The following LRRC74A variants were observed in gnomAD, a reference collection of about 807,000 sequenced individuals.
The protein encoded by LRRC74A is leucine rich repeat containing 74A.
LRRC74A carries 44 observed loss-of-function variants against 57.9 expected under a neutral mutation model. That is an observed-to-expected ratio of 0.76 (90% CI 0.60 to 0.98). The LOEUF is 0.98. Ranked by LOEUF, LRRC74A falls within the 50% of genes least tolerant of loss-of-function variation. The pLI, the probability that LRRC74A is intolerant of heterozygous loss-of-function variation, is 0.00. For missense variants in LRRC74A, 572 were observed against 574.0 expected (o/e 1.00, Z 0.04); for synonymous variants, 211 against 219.4 (o/e 0.96, Z 0.34).
chr14:76,839,951 G>A (rs890151897), intron 5 of LRRC74A, among the ~76,000 whole-genome samples: 7 of 151,922 alleles, frequency 4.6e-5, no homozygotes, highest in African/African-American at 9.7e-5. Flanking sequence ...GGATGGTCTC[G>A]ATCTCTTGAC....
intron 11 of LRRC74A, among the ~76,000 whole-genome samples, chr14:76,861,840 G>T (rs1898336224): frequency 6.6e-6 from 1 of 152,188 alleles, no homozygotes; most frequent in Non-Finnish European, 1.5e-5. Flanking sequence ...ATGCTGCTCT[G>T]CCAATGCACG....
At chr14:76,840,257 A>G (rs1343285227) in intron 5 of LRRC74A, among the ~76,000 whole-genome samples, 2 of 152,194 alleles carry the variant, frequency 1.3e-5, no homozygotes, top group East Asian at 3.9e-4. Context: ...CCCCTGGGCA[A>G]CATAGCAAGA....
chr14:76,861,826 G>C (rs1258752239), intron 11 of LRRC74A, among the ~76,000 whole-genome samples: 1 of 152,210 alleles, frequency 6.6e-6, no homozygotes, highest in Non-Finnish European at 1.5e-5. Context: ...GAGCAGGCGT[G>C]GGGATGCTGC....
At chr14:76,831,807 A>G (rs1895995705) in intron 3 of LRRC74A, among the ~76,000 whole-genome samples, 1 of 152,186 alleles carries the variant, frequency 6.6e-6, no homozygotes, top group South Asian at 2.1e-4. Flanking sequence ...CTTGTGCAAC[A>G]TTATATTTCA....
intron 10 of LRRC74A, among the ~76,000 whole-genome samples, chr14:76,859,370 A>G (rs1898126997): frequency 6.6e-6 from 1 of 152,080 alleles, no homozygotes; most frequent in African/African-American, 2.4e-5. Flanking sequence ...CCCCGTCTCT[A>G]CTAAAAATAC....
At position 76,847,907 on chromosome 14, in the gene LRRC74A, C is replaced by T. The variant is rs374295436; in HGVS notation, c.676+3006C>T. 2.4e-4 allele frequency among the ~76,000 whole-genome samples: 37 copies of T among 152,224 alleles called. No homozygotes were observed. In the East Asian group the frequency reaches 6.6e-3, roughly 27 times the overall value. On this transcript the variant is annotated intron_variant, in intron 7 of 13. Coordinates refer to ENST00000689127, the MANE Select transcript of LRRC74A (RefSeq NM_001385106.1). Reference sequence around the variant, plus strand: ...TCAAAAGTTGGGCTGGGTACAGTGTCTCACACCTGTAATCCCAGCACTTTG... The same window carrying T: ...TCAAAAGTTGGGCTGGGTACAGTGTTTCACACCTGTAATCCCAGCACTTTG...
rs75720627 is a variant in LRRC74A at position 76,828,563 on chromosome 14, C to T, written c.166+144C>T. ...AGGAAATGTGGCAGAAAGGCCTGCT[C>T]GATTTTGCCTGGAGTCCTCCTCCGG... On this transcript the variant is annotated intron_variant, in intron 2 of 13. Coordinates refer to ENST00000689127, the MANE Select transcript of LRRC74A (RefSeq NM_001385106.1). 4.8e-4 allele frequency: 623 copies of T among 1,292,252 alleles called. 11 individuals are homozygous for T. The South Asian group carries it at 6.6e-3, about 14-fold the overall frequency. 80.0% of individuals were successfully genotyped at this position (1,292,252 alleles called of 1,614,324 possible).
At chr14:76,856,375 C>A (rs1897873727) in intron 9 of LRRC74A, among the ~76,000 whole-genome samples, 1 of 152,228 alleles carries the variant, frequency 6.6e-6, no homozygotes, top group African/African-American at 2.4e-5. Context: ...ATGCTATTGG[C>A]TTGTTTGCCT....
intron 5 of LRRC74A, among the ~76,000 whole-genome samples, chr14:76,838,716 A>G (rs951334070): frequency 6.6e-6 from 1 of 152,236 alleles, no homozygotes; most frequent in Non-Finnish European, 1.5e-5. Flanking sequence ...ACACACAGAG[A>G]AGATCTGAAG....
Position 76,831,385 on chromosome 14 carries a change from C to T in LRRC74A, c.339+10C>T. On this transcript the variant is annotated intron_variant, in intron 3 of 13. Coordinates refer to ENST00000689127, the MANE Select transcript of LRRC74A (RefSeq NM_001385106.1). ...TGCTATAGCCCTGGTGGTGAGCATG[C>T]TAGTGGGAGCTCATGAAACCTGGAG... The T allele has an allele frequency of 6.2e-7, 1 of 1,611,742 alleles. No individual in the cohort carries two copies. Among genetic ancestry groups the T allele is most frequent in the Non-Finnish European group, 8.5e-7 (1 of 1,179,228 alleles).
chr14:76,841,098 G>A (rs1329368080), intron 5 of LRRC74A, among the ~76,000 whole-genome samples: 1 of 152,148 alleles, frequency 6.6e-6, no homozygotes, highest in African/African-American at 2.4e-5. Flanking sequence ...CTGGAGTGCA[G>A]TGGTGCCATC....
chr14:76,868,540 G>A (rs1010380616), intron 13 of LRRC74A, among the ~76,000 whole-genome samples: 9 of 152,212 alleles, frequency 5.9e-5, no homozygotes, highest in African/African-American at 2.2e-4. Context: ...GAGACTCCAG[G>A]CCTGAGGGGT....
chr14:76,847,230 G>A (rs569511408), intron 7 of LRRC74A, among the ~76,000 whole-genome samples: 244 of 152,306 alleles, frequency 1.6e-3, no homozygotes, highest in Non-Finnish European at 2.9e-3. Flanking sequence ...AGCATGGAGT[G>A]TTAGTGGCTT....
rs1895594694 is a variant in LRRC74A, at chr14:76,826,653, A to G, written c.-45A>G. ...TGTGCTTCTTAGGGAAGCAGTCGAG[A>G]GGTGGCAAGAAGTTGGCAGCTGCCC... On this transcript the variant is annotated 5_prime_UTR_variant, in exon 1 of 14. Coordinates refer to ENST00000689127, the MANE Select transcript of LRRC74A (RefSeq NM_001385106.1). 3 of 1,601,494 alleles carry G rather than the reference A, an allele frequency of 1.9e-6. No individual in the cohort carries two copies. The highest frequency in any genetic ancestry group is 1.7e-5 in the Admixed American group (1 of 59,016).
At chr14:76,829,616 A>G (rs1461524845) in intron 2 of LRRC74A, among the ~76,000 whole-genome samples, 2 of 152,196 alleles carry the variant, frequency 1.3e-5, no homozygotes, top group African/African-American at 4.8e-5. Flanking sequence ...ATATAACAAT[A>G]GGGAACACAG....
At chr14:76,848,879 G>C (rs150744670) in intron 7 of LRRC74A, among the ~76,000 whole-genome samples, 4 of 152,190 alleles carry the variant, frequency 2.6e-5, no homozygotes, top group African/African-American at 9.7e-5. Flanking sequence ...AAAAATGGAC[G>C]AGGAAAGGGT....
intron 3 of LRRC74A, among the ~76,000 whole-genome samples, chr14:76,834,114 T>G (rs1485003719): frequency 6.6e-6 from 1 of 152,234 alleles, no homozygotes; most frequent in East Asian, 1.9e-4. Context: ...TTCTTAAACA[T>G]ATAACAGCAT....
rs528163427 is a variant in LRRC74A at position 76,839,369 on chromosome 14, T to A, written c.544+1398T>A. Among the ~76,000 whole-genome samples, 5 of 152,340 alleles carry A rather than the reference T, an allele frequency of 3.3e-5. No individual in the cohort carries two copies. In the East Asian group the frequency reaches 9.6e-4, roughly 29 times the overall value. ...ACAAGCAATTTGTGAATCAAAATGGTTAAGCATGTGGGTGTAGAAGTCACA... is the reference window on the plus strand; with the variant it reads ...ACAAGCAATTTGTGAATCAAAATGGATAAGCATGTGGGTGTAGAAGTCACA... On this transcript the variant is annotated intron_variant, in intron 5 of 13. Coordinates refer to ENST00000689127, the MANE Select transcript of LRRC74A (RefSeq NM_001385106.1).
At chr14:76,858,978 G>A (rs1276861515) in intron 10 of LRRC74A, among the ~76,000 whole-genome samples, 2 of 152,156 alleles carry the variant, frequency 1.3e-5, no homozygotes, top group Admixed American at 6.5e-5. Flanking sequence ...CGGATTTTGA[G>A]ACATTGTCAA....
Sources: allele counts gnomAD v4.1 joint callset (sites outside exome capture counted in the v4.1 genomes callset), GRCh38; gene constraint gnomAD v4.1.1; transcripts MANE v1.5; gene names NCBI Gene and HGNC (gene_info 2026-07-23, HGNC 2026-07-21).